Variants in C8orf34 observed in about 807,000 individuals in gnomAD.
C8orf34 encodes the protein uncharacterized protein C8orf34.
A neutral mutation model predicts 68.3 loss-of-function variants in C8orf34; 65 were observed. That is an observed-to-expected ratio of 0.95 (90% CI 0.78 to 1.17). The LOEUF is 1.17. Among genes scored for constraint, C8orf34 ranks in the 50% most tolerant of loss-of-function variants. The pLI, the probability that C8orf34 is intolerant of heterozygous loss-of-function variation, is 0.00. For synonymous variants in C8orf34, 244 were observed against 241.2 expected (o/e 1.01, Z -0.11); for missense variants, 664 against 655.4 (o/e 1.01, Z -0.14).
chr8:68,418,574 T>A (rs1809787780), intron 1 of C8orf34, among the ~76,000 whole-genome samples: 1 of 152,214 alleles, frequency 6.6e-6, no homozygotes, highest in Non-Finnish European at 1.5e-5. Context: ...TGTCTTTGGT[T>A]CTGTTTATAT....
chr8:68,748,437 G>A (rs1822581656), intron 10 of C8orf34, among the ~76,000 whole-genome samples: 1 of 149,232 alleles, frequency 6.7e-6, no homozygotes, highest in South Asian at 2.1e-4. Context: ...ACTACCATCA[G>A]AGTGAACAGG....
At chr8:68,643,301 A>T (rs1819067682) in intron 8 of C8orf34, among the ~76,000 whole-genome samples, 1 of 152,170 alleles carries the variant, frequency 6.6e-6, no homozygotes, top group South Asian at 2.1e-4. Flanking sequence ...AGGCATTTAA[A>T]ATTGTGAGAA....
At chr8:68,613,282 G>A (rs1356250127) in intron 7 of C8orf34, among the ~76,000 whole-genome samples, 2 of 151,896 alleles carry the variant, frequency 1.3e-5, no homozygotes, top group Admixed American at 6.6e-5. Context: ...TTTATTTTAT[G>A]CCTTTTTCTT....
chr8:68,625,346 C>T, intron 7 of C8orf34: 1 of 420,784 alleles, frequency 2.4e-6, no homozygotes, highest in South Asian at 6.0e-5. Flanking sequence ...ACCAAATACT[C>T]ACTTTTAGGA....
intron 7 of C8orf34, among the ~76,000 whole-genome samples, chr8:68,543,837 A>G (rs1302705795): frequency 3.9e-5 from 6 of 152,304 alleles, no homozygotes; most frequent in Admixed American, 1.3e-4. Flanking sequence ...TCCACATTGA[A>G]CAGTTATAAA....
At chr8:68,668,148 A>G (rs1819897553) in intron 8 of C8orf34, among the ~76,000 whole-genome samples, 1 of 152,154 alleles carries the variant, frequency 6.6e-6, no homozygotes, top group Non-Finnish European at 1.5e-5. Flanking sequence ...ATAAGTATCA[A>G]TATATAGCTA....
At chr8:68,599,519 A>G (rs951118586) in intron 7 of C8orf34, among the ~76,000 whole-genome samples, 10 of 151,456 alleles carry the variant, frequency 6.6e-5, no homozygotes, top group Middle Eastern at 3.4e-3. Context: ...GGCCAATGTG[A>G]AAAAAAAAGT....
chr8:68,500,418 C>T (rs1813715407), intron 5 of C8orf34, among the ~76,000 whole-genome samples: 1 of 152,064 alleles, frequency 6.6e-6, no homozygotes, highest in South Asian at 2.1e-4. Flanking sequence ...ACGTGGGATC[C>T]AGGATATTCT....
chr8:68,691,838 C>T (rs1282610916), intron 8 of C8orf34, among the ~76,000 whole-genome samples: 1 of 151,940 alleles, frequency 6.6e-6, no homozygotes, highest in Non-Finnish European at 1.5e-5. Context: ...ACATCAATGT[C>T]AAATGACTGT....
At chr8:68,374,594 T>C (rs1046482078) in intron 1 of C8orf34, among the ~76,000 whole-genome samples, 9 of 152,322 alleles carry the variant, frequency 5.9e-5, no homozygotes, top group African/African-American at 1.7e-4. Flanking sequence ...GTGGATACCA[T>C]ATAGCTCCTA....
intron 4 of C8orf34, among the ~76,000 whole-genome samples, chr8:68,485,697 G>A (rs1157061013): frequency 7.0e-6 from 1 of 142,806 alleles, no homozygotes; most frequent in Non-Finnish European, 1.5e-5. Context: ...AGGAGACAAG[G>A]CAAGACTCTG....
At chr8:68,377,916 T>C (rs1225086227) in intron 1 of C8orf34, among the ~76,000 whole-genome samples, 1 of 151,968 alleles carries the variant, frequency 6.6e-6, no homozygotes, top group Non-Finnish European at 1.5e-5. Flanking sequence ...ACAGAATAAG[T>C]GCAAGCAGGG....
intron 5 of C8orf34, among the ~76,000 whole-genome samples, chr8:68,496,332 T>G (rs1813521785): frequency 6.6e-6 from 1 of 152,218 alleles, no homozygotes; most frequent in South Asian, 2.1e-4. Flanking sequence ...GAGAAAGCTC[T>G]CATGATCTCC....
chr8:68,680,193 A>T (rs1394933594), intron 8 of C8orf34, among the ~76,000 whole-genome samples: 1 of 152,202 alleles, frequency 6.6e-6, no homozygotes, highest in Non-Finnish European at 1.5e-5. Context: ...TGATTAATAA[A>T]CAGAATATAT....
intron 7 of C8orf34, among the ~76,000 whole-genome samples, chr8:68,584,408 G>A (rs1178672902): frequency 6.6e-6 from 1 of 152,164 alleles, no homozygotes; most frequent in East Asian, 1.9e-4. Context: ...GTAGGTGAGT[G>A]TTTTGTCCCA....
At chr8:68,774,308 T>G (rs566990522) in intron 10 of C8orf34, among the ~76,000 whole-genome samples, 1 of 145,438 alleles carries the variant, frequency 6.9e-6, no homozygotes, top group Non-Finnish European at 1.5e-5. Flanking sequence ...AGTTTATCTA[T>G]GTATAAAAAT....
chr8:68,672,798 G>A (rs1820055149), intron 8 of C8orf34, among the ~76,000 whole-genome samples: 1 of 152,174 alleles, frequency 6.6e-6, no homozygotes, highest in Non-Finnish European at 1.5e-5. Flanking sequence ...GGTGGCTAAA[G>A]GAGTGCTTGC....
chr8:68,353,578 TAC>T (rs1806611738), intron 1 of C8orf34, among the ~76,000 whole-genome samples: 2 of 148,496 alleles, frequency 1.3e-5, no homozygotes, highest in African/African-American at 4.9e-5. Context: ...TATATATATA[TAC>T]ACAGTTGATG....
chr8:68,330,788 C>G (rs1333834921), upstream of C8orf34: 4 of 434,586 alleles, frequency 9.2e-6, no homozygotes, highest in Non-Finnish European at 8.0e-6. Context: ...CAGTCGCGCG[C>G]GCACGGACAC....
Sources: gnomAD v4.1 joint callset for allele counts (sites outside exome capture counted in the v4.1 genomes callset) on GRCh38, gnomAD v4.1.1 for gene constraint, MANE v1.5 for transcripts, NCBI Gene and HGNC (gene_info 2026-07-23, HGNC 2026-07-21) for gene names.